ATPAF2: variants seen among roughly 807,000 people sequenced by gnomAD.
ATPAF2 encodes ATP synthase mitochondrial F1 complex assembly factor 2.
ATPAF2 carries 30 observed loss-of-function variants against 36.6 expected under a neutral mutation model. The observed-to-expected ratio is 0.82, with a 90% CI of 0.61 to 1.11. The LOEUF (loss-of-function observed/expected upper bound fraction) is 1.11, where lower values mean the gene tolerates loss of function less well. ATPAF2 is among the 50% of genes most tolerant of loss of function. ATPAF2 has a pLI of 0.00. For missense variants in ATPAF2, 321 were observed against 372.3 expected (o/e 0.86, Z 1.13); for synonymous variants, 140 against 152.6 (o/e 0.92, Z 0.61).
At chr17:18,032,754 G>A (rs1468039547) in intron 1 of ATPAF2, among the ~76,000 whole-genome samples, 1 of 152,140 alleles carries the variant, frequency 6.6e-6, no homozygotes, top group African/African-American at 2.4e-5. Flanking sequence ...TCTGTGATGG[G>A]GCAGGCACGT....
intron 4 of ATPAF2, 103 bp from the exon 5 acceptor site, chr17:18,024,807 C>G: frequency 1.1e-6 from 1 of 935,740 alleles, no homozygotes; most frequent in Non-Finnish European, 1.7e-6. Context: ...AACTTCACCA[C>G]CACCATCCCA....
Position 18,026,151 on chromosome 17 carries a change from G to C in ATPAF2, c.422+168C>G, listed in dbSNP as rs541066865. The C allele has an allele frequency of 2.1e-5, 15 of 710,586 alleles. No individual in the cohort carries two copies. The African/African-American group carries it at 2.6e-4, about 12-fold the overall frequency. The allele number at this position is 710,586 out of a possible 1,614,324, so 44.0% of individuals were successfully genotyped here. A position where few individuals can be genotyped will look rare whatever the true frequency, so the allele number is the denominator to read the frequency against. ...TTCTGACACCATTGTAGCCCGAGGAGTCCTCCTCCTAAGGGGCTACAGAGC... is the reference window on the plus strand; with the variant it reads ...TTCTGACACCATTGTAGCCCGAGGACTCCTCCTCCTAAGGGGCTACAGAGC... On this transcript the variant is annotated intron_variant, in intron 4 of 7. Transcript: ENST00000474627.
At chr17:18,027,090 G>T (rs1484526397) in intron 3 of ATPAF2, among the ~76,000 whole-genome samples, 1 of 151,968 alleles carries the variant, frequency 6.6e-6, no homozygotes, top group Non-Finnish European at 1.5e-5. Flanking sequence ...GCATGGTGGT[G>T]GACGTCTGTA....
At chr17:18,031,597 A>G (rs1403185068) in intron 1 of ATPAF2, among the ~76,000 whole-genome samples, 4 of 151,828 alleles carry the variant, frequency 2.6e-5, no homozygotes, top group Admixed American at 6.6e-5. Flanking sequence ...TGGCTAACAC[A>G]GTGAAACCCC....
intron 1 of ATPAF2, 102 bp from the exon 2 acceptor site, chr17:18,028,761 G>T: frequency 8.9e-7 from 1 of 1,119,658 alleles, no homozygotes; most frequent in Non-Finnish European, 1.3e-6. Context: ...TTGATTGATT[G>T]GCTTGATTTT....
chr17:18,028,212 T>TCACACTGTGAACTTGTTACCAGGTG lies in ATPAF2; in HGVS notation c.319_324+19dup. On this transcript the variant is annotated intron_variant, in intron 3 of 7. Transcript: ENST00000474627. ...CCTGGGTGGGTCTCAGGGTCCAGGT[T>TCACACTGTGAACTTGTTACCAGGTG]CACACTGTGAACTTGTTACCAGGTG... The TCACACTGTGAACTTGTTACCAGGTG allele has an allele frequency of 1.2e-6, 2 of 1,614,136 alleles. No homozygotes were observed. The highest frequency in any genetic ancestry group is 1.7e-6 in the Non-Finnish European group (2 of 1,180,018).
rs1052962917 is a variant in ATPAF2, at chr17:18,021,195, G to A, written c.660C>T (p.Thr220=). The A allele has an allele frequency of 6.2e-6, 10 of 1,613,876 alleles. No individual in the cohort carries two copies. The highest frequency in any genetic ancestry group is 8.5e-6 in the Non-Finnish European group (10 of 1,180,002). The change falls in exon 7 of 8, where the codon ACC becomes ACT. Residue 220 remains threonine, a synonymous_variant. Transcript: ENST00000474627. The part of the protein sequence containing the change: ...VAAQLKSMVL[T]LGLIDLRLTV... Reference sequence around the variant, plus strand: ...TCAGGCGCAGGTCAATCAGGCCCAAGGTTAGCACCATGGACTTGAGCTGGG... The same window carrying A: ...TCAGGCGCAGGTCAATCAGGCCCAAAGTTAGCACCATGGACTTGAGCTGGG...
downstream of ATPAF2, chr17:18,016,025 T>C (rs78467765): frequency 1.4e-4 from 219 of 1,608,862 alleles, 1 homozygote; most frequent in East Asian, 3.1e-3. Context: ...CACGGTATAA[T>C]GACACACACT....
intron 3 of ATPAF2, among the ~76,000 whole-genome samples, chr17:18,027,301 T>G (rs1203928803): frequency 6.6e-6 from 1 of 152,038 alleles, no homozygotes; most frequent in African/African-American, 2.4e-5. Flanking sequence ...TTTGTAGCCC[T>G]AATCACCCTA....
chr17:18,038,826 A>G, intron 1 of ATPAF2, 55 bp downstream of exon 1: 4 of 1,606,196 alleles, frequency 2.5e-6, no homozygotes, highest in Non-Finnish European at 3.4e-6. Flanking sequence ...CCGAAGCCCG[A>G]AGCCCACCTT....
At chr17:18,015,858 A>T (rs1247312342), downstream of ATPAF2, 2 of 543,864 alleles carry the variant, frequency 3.7e-6, no homozygotes, top group Non-Finnish European at 6.5e-6. Context: ...TTTCCCCACA[A>T]CACCTGCCCT....
At chr17:18,033,276 C>G (rs2145517811) in intron 1 of ATPAF2, among the ~76,000 whole-genome samples, 1 of 150,870 alleles carries the variant, frequency 6.6e-6, no homozygotes. Context: ...GGCTGAAAAT[C>G]AGTTGAACCC....
chr17:18,036,452 T>A (rs1382666979), intron 1 of ATPAF2, among the ~76,000 whole-genome samples: 1 of 151,914 alleles, frequency 6.6e-6, no homozygotes. Context: ...GGTGGGCACC[T>A]GTAGTCCCAG....
chr17:18,022,864 G>A (rs1042619015), intron 5 of ATPAF2, among the ~76,000 whole-genome samples: 4 of 152,036 alleles, frequency 2.6e-5, no homozygotes, highest in Non-Finnish European at 4.4e-5. Context: ...GGTGGCTCAT[G>A]CCTGTAATCC....
chr17:18,037,292 T>C (rs1412584701), intron 1 of ATPAF2, among the ~76,000 whole-genome samples: 1 of 151,718 alleles, frequency 6.6e-6, no homozygotes. Flanking sequence ...CCCATTTCTA[T>C]AAAGTTATAG....
Position 18,018,703 on chromosome 17 carries a change from A to G in ATPAF2, c.733-17T>C. 6.2e-7 allele frequency: 1 copy of G among 1,613,834 alleles called. No individual in the cohort carries two copies. Among genetic ancestry groups the G allele is most frequent in the Non-Finnish European group, 8.5e-7 (1 of 1,179,944 alleles). On this transcript the variant is annotated splice_polypyrimidine_tract_variant and intron_variant, in intron 7 of 7. Transcript: ENST00000474627. The stretch of plus-strand genomic sequence containing the variant: ...CTTCTGGATCTGAGGGAAGGACAAG[A>G]CAAGTTGCTGGGTGAGTGGCCAGTG...
chr17:18,035,184 G>T (rs78432623), intron 1 of ATPAF2, among the ~76,000 whole-genome samples: 2 of 151,906 alleles, frequency 1.3e-5, no homozygotes, highest in Admixed American at 1.3e-4. Context: ...AGCTGTGATC[G>T]TGCCACTACA....
chr17:18,038,847 G>T, intron 1 of ATPAF2, 34 bp downstream of exon 1: 1 of 1,611,142 alleles, frequency 6.2e-7, no homozygotes, highest in Non-Finnish European at 8.5e-7. Flanking sequence ...ACCCCAGCTC[G>T]GCCCCAACCC....
At chr17:18,034,435 GA>G (rs1475487798) in intron 1 of ATPAF2, among the ~76,000 whole-genome samples, 3 of 152,226 alleles carry the variant, frequency 2.0e-5, no homozygotes, top group Admixed American at 1.3e-4. Flanking sequence ...CAAGGGATCT[GA>G]ATAGACGTTT....
Sources: gnomAD v4.1 joint callset for allele counts (sites outside exome capture counted in the v4.1 genomes callset) on GRCh38, gnomAD v4.1.1 for gene constraint, MANE v1.5 for transcripts, NCBI Gene and HGNC (gene_info 2026-07-23, HGNC 2026-07-21) for gene names.